Variants in NRG1 observed in about 807,000 individuals in gnomAD.
The protein encoded by NRG1 is neuregulin 1, also known as pro-neuregulin-1, membrane-bound isoform.
NRG1 carries 18 observed loss-of-function variants against 63.8 expected under a neutral mutation model. That is an observed-to-expected ratio of 0.28 (90% CI 0.19 to 0.42). The LOEUF (loss-of-function observed/expected upper bound fraction) is 0.42, where lower values mean the gene tolerates loss of function less well. NRG1 is among the 10% of genes least tolerant of loss of function. The pLI is 1.00. For synonymous variants in NRG1, 302 were observed against 301.3 expected (o/e 1.00, Z -0.02); for missense variants, 762 against 814.7 (o/e 0.94, Z 0.79).
intron 1 of NRG1, among the ~76,000 whole-genome samples, chr8:32,310,365 C>G (rs78872550): frequency 0.022 from 3,312 of 152,250 alleles, 116 homozygotes; most frequent in African/African-American, 0.076. Flanking sequence ...AGTGTTGAAT[C>G]ATGTTGCTTT....
At chr8:32,741,033 A>AC (rs1826203679) in intron 6 of NRG1, among the ~76,000 whole-genome samples, 1 of 152,100 alleles carries the variant, frequency 6.6e-6, no homozygotes, top group Non-Finnish European at 1.5e-5. Context: ...GCTTCCTAGA[A>AC]CCTTTCAGTG....
chr8:31,644,429 A>G (rs1804099457), intron 1 of NRG1, among the ~76,000 whole-genome samples: 1 of 152,220 alleles, frequency 6.6e-6, no homozygotes, highest in Non-Finnish European at 1.5e-5. Context: ...GGATTTAAAT[A>G]TCTGAGTTAG....
chr8:32,001,130 G>A (rs1812853949), intron 1 of NRG1, among the ~76,000 whole-genome samples: 1 of 152,096 alleles, frequency 6.6e-6, no homozygotes, highest in Middle Eastern at 3.4e-3. Context: ...CAATAAGTGA[G>A]TAAATATGAA....
At chr8:32,477,169 G>A (rs1015470233) in intron 1 of NRG1, among the ~76,000 whole-genome samples, 36 of 152,136 alleles carry the variant, frequency 2.4e-4, no homozygotes, top group Middle Eastern at 3.4e-3. Context: ...GTGCCTTTCC[G>A]AAGTTTCCTC....
chr8:31,893,588 G>C (rs1680159), intron 1 of NRG1, among the ~76,000 whole-genome samples: 78,320 of 151,084 alleles, frequency 0.52, 20,934 homozygotes, highest in East Asian at 0.75. Context: ...AAAATCATAA[G>C]AGAAAACAAG....
intron 1 of NRG1, among the ~76,000 whole-genome samples, chr8:32,403,111 C>T (rs1272340148): frequency 2.0e-5 from 3 of 151,778 alleles, no homozygotes; most frequent in African/African-American, 7.3e-5. Context: ...CCAGCCTGGG[C>T]AAGATGGTGA....
chr8:32,056,450 A>C (rs990252102), intron 1 of NRG1, among the ~76,000 whole-genome samples: 1 of 152,082 alleles, frequency 6.6e-6, no homozygotes. Context: ...CTCTCCAAAA[A>C]TGTGTATGAC....
intron 1 of NRG1, among the ~76,000 whole-genome samples, chr8:32,189,953 T>C (rs1449242574): frequency 6.6e-6 from 1 of 152,190 alleles, no homozygotes; most frequent in Non-Finnish European, 1.5e-5. Context: ...TACATTCTGT[T>C]GAATTATAAA....
chr8:32,465,758 A>C (rs1013581577), intron 1 of NRG1, among the ~76,000 whole-genome samples: 2 of 151,430 alleles, frequency 1.3e-5, no homozygotes, highest in African/African-American at 4.9e-5. Flanking sequence ...TGAACAGAAA[A>C]AGTCCAACAT....
intron 1 of NRG1, among the ~76,000 whole-genome samples, chr8:32,563,385 G>A (rs1244945880): frequency 6.6e-6 from 1 of 152,212 alleles, no homozygotes. Context: ...AAATTGTAGT[G>A]TTAATTTATC....
At chr8:32,186,260 G>A (rs957579417) in intron 1 of NRG1, among the ~76,000 whole-genome samples, 3 of 151,984 alleles carry the variant, frequency 2.0e-5, no homozygotes, top group East Asian at 1.9e-4. Context: ...TCAGGGGATC[G>A]AGACCATCCT....
chr8:31,639,802 T>C, intron 1 of NRG1: 1 of 1,250,952 alleles, frequency 8.0e-7, no homozygotes, highest in South Asian at 2.4e-5. Flanking sequence ...TCCATCCACT[T>C]CTTCCCCCTC....
At chr8:32,664,530 C>T (rs1001462690) in intron 5 of NRG1, among the ~76,000 whole-genome samples, 20 of 152,078 alleles carry the variant, frequency 1.3e-4, no homozygotes, top group Middle Eastern at 6.8e-3. Context: ...TTATTAAGCA[C>T]GTATTGTGTG....
At chr8:32,333,682 T>C (rs1366376471) in intron 1 of NRG1, among the ~76,000 whole-genome samples, 1 of 152,196 alleles carries the variant, frequency 6.6e-6, no homozygotes, top group Admixed American at 6.5e-5. Flanking sequence ...AAATAACTAA[T>C]TATTGTTCCA....
intron 1 of NRG1, among the ~76,000 whole-genome samples, chr8:32,041,376 A>G (rs779655641): frequency 3.3e-5 from 5 of 152,224 alleles, no homozygotes; most frequent in Non-Finnish European, 7.3e-5. Flanking sequence ...GTCCTACTGA[A>G]TACAACTATC....
intron 1 of NRG1, among the ~76,000 whole-genome samples, chr8:31,861,201 T>A (rs1027882002): frequency 1.3e-5 from 2 of 152,050 alleles, no homozygotes; most frequent in Admixed American, 1.3e-4. Context: ...CCAGCTAGGG[T>A]CTCAAACCTA....
At chr8:32,305,317 G>A (rs1424290910) in intron 1 of NRG1, among the ~76,000 whole-genome samples, 1 of 152,048 alleles carries the variant, frequency 6.6e-6, no homozygotes, top group Non-Finnish European at 1.5e-5. Context: ...AGTGAATGAA[G>A]CTTTGTGTTA....
intron 1 of NRG1, among the ~76,000 whole-genome samples, chr8:31,700,850 T>C (rs1204578827): frequency 6.6e-6 from 1 of 152,168 alleles, no homozygotes; most frequent in African/African-American, 2.4e-5. Flanking sequence ...GGGTGGGGGC[T>C]GAGGTCTTTA....
At chr8:31,691,773 TA>T (rs529378479) in intron 1 of NRG1, among the ~76,000 whole-genome samples, 120 of 152,248 alleles carry the variant, frequency 7.9e-4, no homozygotes, top group Non-Finnish European at 9.3e-4. Context: ...AAAAAGTATG[TA>T]AAAAAATCCC....
Sources: gnomAD v4.1 joint callset for allele counts (sites outside exome capture counted in the v4.1 genomes callset) on GRCh38, gnomAD v4.1.1 for gene constraint, MANE v1.5 for transcripts, NCBI Gene and HGNC (gene_info 2026-07-23, HGNC 2026-07-21) for gene names.